The following KCNIP1 variants were observed in gnomAD, a reference collection of about 807,000 sequenced individuals.
KCNIP1 encodes potassium voltage-gated channel interacting protein 1.
A neutral mutation model predicts 33.0 loss-of-function variants in KCNIP1; 18 were observed. The ratio of observed to expected loss-of-function variants is 0.55; its 90% CI spans 0.38 to 0.81. The LOEUF is 0.81. Ranked by LOEUF, KCNIP1 falls within the 30% of genes least tolerant of loss-of-function variation. KCNIP1 has a pLI of 0.00. For missense variants in KCNIP1, 238 were observed against 271.6 expected, an observed-to-expected ratio of 0.88 and a Z score of 0.87; for synonymous variants, 93 against 98.3, an observed-to-expected ratio of 0.95 and a Z score of 0.32.
At chr5:170,385,391 C>T (rs1439034807) in intron 1 of KCNIP1, 4 of 1,613,972 alleles carry the variant, frequency 2.5e-6, no homozygotes, top group Admixed American at 3.3e-5. Flanking sequence ...TGGTTACACC[C>T]AGGCAAAGGG....
At chr5:170,550,665 A>ATGGTG (rs1756590992) in intron 1 of KCNIP1, among the ~76,000 whole-genome samples, 1 of 150,750 alleles carries the variant, frequency 6.6e-6, no homozygotes, top group African/African-American at 2.5e-5. Context: ...TGATGATGAC[A>ATGGTG]ATGACAATAC....
intron 1 of KCNIP1, among the ~76,000 whole-genome samples, chr5:170,411,832 G>A (rs1173235680): frequency 2.0e-5 from 3 of 152,090 alleles, no homozygotes; most frequent in Non-Finnish European, 2.9e-5. Flanking sequence ...AATGCCGAGC[G>A]CCAAATAAAA....
At chr5:170,550,572 G>A (rs1413593096) in intron 1 of KCNIP1, among the ~76,000 whole-genome samples, 1 of 151,774 alleles carries the variant, frequency 6.6e-6, no homozygotes, top group African/African-American at 2.4e-5. Flanking sequence ...TGGTGATGAT[G>A]ATGGTGATGA....
At chr5:170,533,471 G>T (rs1365240292) in intron 1 of KCNIP1, among the ~76,000 whole-genome samples, 1 of 152,202 alleles carries the variant, frequency 6.6e-6, no homozygotes, top group Non-Finnish European at 1.5e-5. Flanking sequence ...ATGATGCCAG[G>T]ATCCACGGTG....
Position 170,627,619 on chromosome 5 carries a change from A to G in KCNIP1, c.62-91139A>G, listed in dbSNP as rs78860133. On this transcript the variant is annotated intron_variant, in intron 1 of 7. Coordinates refer to ENST00000328939, the MANE Select transcript of KCNIP1 (RefSeq NM_014592.4). ...CTGAGATGGCTCATGGGTGACCCCC[A>G]GGCATCTGGCAAAGGTCACAATGGC... is the stretch of plus-strand genomic sequence containing the variant. Among the ~76,000 whole-genome samples, 1,515 of 152,366 alleles carry G rather than the reference A, an allele frequency of 9.9e-3. 15 individuals carry two copies. Among genetic ancestry groups the G allele is most frequent in the African/African-American group, 0.033 (1,354 of 41,600 alleles).
chr5:170,561,808 T>C (rs188640281), intron 1 of KCNIP1, among the ~76,000 whole-genome samples: 1 of 152,196 alleles, frequency 6.6e-6, no homozygotes, highest in Non-Finnish European at 1.5e-5. Flanking sequence ...CAACAATGAT[T>C]GGGACTGAGA....
chr5:170,573,450 C>CA (rs1757488738), intron 1 of KCNIP1, among the ~76,000 whole-genome samples: 1 of 151,218 alleles, frequency 6.6e-6, no homozygotes, highest in East Asian at 1.9e-4. Context: ...AACCTCTTTA[C>CA]AAAATTTAAA....
chr5:170,446,037 T>C (rs575944164), intron 1 of KCNIP1, among the ~76,000 whole-genome samples: 31 of 152,248 alleles, frequency 2.0e-4, no homozygotes, highest in Non-Finnish European at 3.8e-4. Flanking sequence ...AAACTGACAG[T>C]GTAAAATGCA....
At chr5:170,545,136 G>A (rs2113392756) in intron 1 of KCNIP1, among the ~76,000 whole-genome samples, 1 of 152,170 alleles carries the variant, frequency 6.6e-6, no homozygotes, top group Admixed American at 6.5e-5. Flanking sequence ...ATTTTTGCAG[G>A]ATTTTTTGCT....
chr5:170,492,549 C>T (rs1757228183), intron 1 of KCNIP1, among the ~76,000 whole-genome samples: 1 of 152,132 alleles, frequency 6.6e-6, no homozygotes, highest in Non-Finnish European at 1.5e-5. Context: ...TCCTTCTCTC[C>T]AGAAGTTGGG....
chr5:170,371,833 G>A (rs946093063), intron 1 of KCNIP1, among the ~76,000 whole-genome samples: 3 of 152,190 alleles, frequency 2.0e-5, no homozygotes, highest in Non-Finnish European at 4.4e-5. Context: ...GTTGCTGCAG[G>A]TTGTCATTGA....
chr5:170,455,575 C>T (rs939463374), intron 1 of KCNIP1, among the ~76,000 whole-genome samples: 2 of 152,094 alleles, frequency 1.3e-5, no homozygotes, highest in African/African-American at 4.8e-5. Context: ...AAACAAGCTT[C>T]GATAATTTAA....
At chr5:170,650,504 TC>T (rs2113720346) in intron 1 of KCNIP1, among the ~76,000 whole-genome samples, 1 of 152,370 alleles carries the variant, frequency 6.6e-6, no homozygotes, top group African/African-American at 2.4e-5. Flanking sequence ...AATACTTCAT[TC>T]CTTTTTATTG....
rs543279567 is a variant in KCNIP1 at position 170,719,058 on chromosome 5, C to T, written c.186+176C>T. ...CCTGGCTAGAAAGGAAGGCTCCAGG[C>T]GAGGATGGAGCAACCTCAGGAGACA... On this transcript the variant is annotated intron_variant, in intron 2 of 7. Coordinates refer to ENST00000328939, the MANE Select transcript of KCNIP1 (RefSeq NM_014592.4). 3.9e-5 allele frequency among the ~76,000 whole-genome samples: 6 copies of T among 152,116 alleles called. No homozygotes were observed. In the South Asian group the frequency reaches 1.0e-3, roughly 26 times the overall value.
intron 1 of KCNIP1, among the ~76,000 whole-genome samples, chr5:170,698,990 A>G (rs182564553): frequency 6.6e-6 from 1 of 152,008 alleles, no homozygotes; most frequent in Non-Finnish European, 1.5e-5. Flanking sequence ...AAAGGGACTG[A>G]CCCCCAAGAC....
chr5:170,415,210 G>A (rs979711012), intron 1 of KCNIP1, among the ~76,000 whole-genome samples: 2 of 152,108 alleles, frequency 1.3e-5, no homozygotes, highest in Non-Finnish European at 1.5e-5. Flanking sequence ...AGAGGAAGCC[G>A]GGGAGGGGTT....
At chr5:170,518,563 C>G (rs1755239440) in intron 1 of KCNIP1, among the ~76,000 whole-genome samples, 1 of 152,188 alleles carries the variant, frequency 6.6e-6, no homozygotes. Flanking sequence ...CTTGGATGAA[C>G]TCATCAGAGT....
intron 1 of KCNIP1, among the ~76,000 whole-genome samples, chr5:170,660,863 A>G (rs750407376): frequency 9.9e-5 from 15 of 152,232 alleles, no homozygotes; most frequent in Non-Finnish European, 2.1e-4. Context: ...GGGCTTGCTG[A>G]TCACAGAGAA....
At chr5:170,506,228 GTGAA>G (rs1754711232) in intron 1 of KCNIP1, among the ~76,000 whole-genome samples, 1 of 152,106 alleles carries the variant, frequency 6.6e-6, no homozygotes, top group Non-Finnish European at 1.5e-5. Context: ...GAGTCTGGGT[GTGAA>G]TCCCAGCTCC....
Sources: allele counts gnomAD v4.1 joint callset (sites outside exome capture counted in the v4.1 genomes callset), GRCh38; gene constraint gnomAD v4.1.1; transcripts MANE v1.5; gene names NCBI Gene and HGNC (gene_info 2026-07-23, HGNC 2026-07-21).